Variants in RPL38 observed in about 807,000 individuals in gnomAD.
The protein encoded by RPL38 is large ribosomal subunit protein eL38.
A neutral mutation model predicts 12.8 loss-of-function variants in RPL38; 2 were observed. The observed-to-expected ratio is 0.16, with a 90% CI of 0.06 to 0.49. RPL38 has a LOEUF of 0.49. Among genes scored for constraint, RPL38 ranks in the 20% least tolerant of loss-of-function variants. The probability of loss-of-function intolerance (pLI) is 0.96; values close to 1 mark genes in which losing one functional copy is unlikely to be tolerated. For missense variants in RPL38, 52 were observed against 79.8 expected (o/e 0.65, Z 1.33); for synonymous variants, 42 against 30.1 (o/e 1.39, Z -1.29).
intron 3 of RPL38, chr17:74,205,281 T>C (rs1229567608): frequency 2.0e-5 from 3 of 152,224 alleles, no homozygotes; most frequent in South Asian, 2.1e-4. Context: ...TCTTGAGTTA[T>C]GTTGTTACTT....
At chr17:74,203,846 G>A (rs2050083228) in intron 1 of RPL38, 72 bp from the exon 2 acceptor site, 2 of 1,355,184 alleles carry the variant, frequency 1.5e-6, no homozygotes, top group Non-Finnish European at 2.0e-6. Flanking sequence ...CCGATATTTC[G>A]GGGGAGAGCG....
At chr17:74,209,016 G>C (rs1208162126) in intron 3 of RPL38, among the ~76,000 whole-genome samples, 171 bp from the exon 4 acceptor site, 1 of 152,140 alleles carries the variant, frequency 6.6e-6, no homozygotes, top group Non-Finnish European at 1.5e-5. Context: ...CCCAATAAAA[G>C]TCCCAAGTTG....
intron 4 of RPL38, 74 bp from the exon 5 acceptor site, chr17:74,209,730 G>A (rs970577622): frequency 2.3e-6 from 3 of 1,315,250 alleles, no homozygotes; most frequent in Non-Finnish European, 3.3e-6. Flanking sequence ...TTTAGCTTAA[G>A]TACAAAATTT....
chr17:74,205,852 T>C (rs2050108705), intron 3 of RPL38: 1 of 152,078 alleles, frequency 6.6e-6, no homozygotes, highest in African/African-American at 2.4e-5. Flanking sequence ...AAACCCCATT[T>C]CTACTAAAAA....
intron 3 of RPL38, among the ~76,000 whole-genome samples, chr17:74,206,456 C>T (rs2050114747): frequency 6.6e-6 from 1 of 152,132 alleles, no homozygotes; most frequent in South Asian, 2.1e-4. Context: ...AGTAAATACA[C>T]ATTGTTGAGC....
At chr17:74,209,166 C>G (rs2050142085) in intron 3 of RPL38, 21 bp from the exon 4 acceptor site, 1 of 1,611,924 alleles carries the variant, frequency 6.2e-7, no homozygotes, top group Non-Finnish European at 8.5e-7. Context: ...CAATTTAATT[C>G]CTGATTCTGG....
intron 4 of RPL38, 83 bp from the exon 5 acceptor site, chr17:74,209,721 T>G: frequency 8.2e-7 from 1 of 1,217,136 alleles, no homozygotes; most frequent in Non-Finnish European, 1.2e-6. Context: ...TGTGCTCTCT[T>G]TAGCTTAAGT....
At chr17:74,206,605 A>G (rs1598205614) in intron 3 of RPL38, among the ~76,000 whole-genome samples, 1 of 151,322 alleles carries the variant, frequency 6.6e-6, no homozygotes, top group Non-Finnish European at 1.5e-5. Flanking sequence ...TGCTCTGGAT[A>G]CCCCATACAA....
intron 3 of RPL38, among the ~76,000 whole-genome samples, chr17:74,207,817 T>C (rs1304081526): frequency 6.6e-6 from 1 of 152,216 alleles, no homozygotes; most frequent in East Asian, 1.9e-4. Flanking sequence ...AATAAACATT[T>C]TGAAGAGCTC....
intron 3 of RPL38, chr17:74,205,800 C>G (rs545337304): frequency 1.3e-5 from 2 of 152,006 alleles, no homozygotes; most frequent in East Asian, 3.9e-4. Context: ...GCGGACAGAT[C>G]GCTTGAACCA....
rs535419854 is a variant in RPL38, at chr17:74,208,486, C to T, written c.65-701C>T. Among the ~76,000 whole-genome samples the T allele has an allele frequency of 1.4e-4, 22 of 152,290 alleles. No individual in the cohort carries two copies. In the South Asian group the frequency reaches 1.9e-3, roughly 13 times the overall value. ...AGGAAAACCCTGGGTGCGTGTTGTG[C>T]GCAGTGGCTGGAGGCATCCTGAAGA... On this transcript the variant is annotated intron_variant, in intron 3 of 4. Coordinates refer to ENST00000311111, the MANE Select transcript of RPL38 (RefSeq NM_000999.4).
Position 74,203,927 on chromosome 17 carries a change from C to A in RPL38, c.-29C>A, listed in dbSNP as rs767488896. The A allele has an allele frequency of 1.3e-6, 2 of 1,599,570 alleles. No individual in the cohort carries two copies. The highest frequency in any genetic ancestry group is 2.7e-5 in the African/African-American group (2 of 74,688). On this transcript the variant is annotated 5_prime_UTR_variant, in exon 2 of 5. Coordinates refer to ENST00000311111, the MANE Select transcript of RPL38 (RefSeq NM_000999.4). Reference sequence around the variant, plus strand: ...GGACTGTTTCCCGCAGGTCCTGGTCCGCGCCAGAGCCCAGCGCGCCTCGTC... The same window carrying A: ...GGACTGTTTCCCGCAGGTCCTGGTCAGCGCCAGAGCCCAGCGCGCCTCGTC...
At chr17:74,208,487 G>T (rs896773269) in intron 3 of RPL38, among the ~76,000 whole-genome samples, 4 of 152,182 alleles carry the variant, frequency 2.6e-5, no homozygotes, top group African/African-American at 7.2e-5. Flanking sequence ...CGTGTTGTGC[G>T]CAGTGGCTGG....
intron 3 of RPL38, chr17:74,205,538 G>A (rs2050105291): frequency 6.6e-6 from 1 of 152,262 alleles, no homozygotes; most frequent in South Asian, 2.1e-4. Flanking sequence ...GTGACCACCT[G>A]TGGGGACAAA....
Position 74,203,695 on chromosome 17 carries a change from C to T in RPL38, c.-89C>T, listed in dbSNP as rs76291586. 6.9e-3 allele frequency: 3,483 copies of T among 505,104 alleles called. 88 individuals carry two copies. The highest frequency in any genetic ancestry group is 0.06 in the African/African-American group (3,130 of 51,738). The allele number at this position is 505,104 out of a possible 1,614,324, so 31.3% of individuals were successfully genotyped here. A position where few individuals can be genotyped will look rare whatever the true frequency, so the allele number is the denominator to read the frequency against. ...GTCTCGTTCTTTTTCGTCCTTTTCC[C>T]CGGTTGCTGCTTGCTGTGAGTGTCT... On this transcript the variant is annotated 5_prime_UTR_variant, in exon 1 of 5. Coordinates refer to ENST00000311111, the MANE Select transcript of RPL38 (RefSeq NM_000999.4).
At chr17:74,209,778 GCTTA>G (rs779942829) in intron 4 of RPL38, 22 bp from the exon 5 acceptor site, 10 of 1,609,568 alleles carry the variant, frequency 6.2e-6, no homozygotes, top group Admixed American at 1.7e-5. Flanking sequence ...CTTCTGGATG[GCTTA>G]CTTTTGTCTC....
intron 3 of RPL38, chr17:74,204,394 T>C: frequency 6.8e-6 from 4 of 586,446 alleles, no homozygotes; most frequent in Non-Finnish European, 1.2e-5. Context: ...AGGACCATCT[T>C]TAGCTAATCG....
chr17:74,204,256 T>A, intron 3 of RPL38, 66 bp downstream of exon 3: 2 of 1,448,940 alleles, frequency 1.4e-6, no homozygotes, highest in Non-Finnish European at 1.9e-6. Flanking sequence ...GGGAGCGTCT[T>A]CCCCGGAATG....
At chr17:74,207,695 G>A (rs944477265) in intron 3 of RPL38, among the ~76,000 whole-genome samples, 2 of 151,634 alleles carry the variant, frequency 1.3e-5, no homozygotes, top group East Asian at 1.9e-4. Context: ...TAGGAGAGAC[G>A]GGGTTTCTCC....
Sources: gnomAD v4.1 joint callset for allele counts (sites outside exome capture counted in the v4.1 genomes callset) on GRCh38, gnomAD v4.1.1 for gene constraint, MANE v1.5 for transcripts, NCBI Gene and HGNC (gene_info 2026-07-23, HGNC 2026-07-21) for gene names.